EMILIN2: variants seen among roughly 807,000 people sequenced by gnomAD.
EMILIN2 encodes the protein elastin microfibril interfacer 2, also known as EMILIN-2.
In EMILIN2, 71 loss-of-function variants were observed where a neutral mutation model predicts 87.1. The ratio of observed to expected loss-of-function variants is 0.82; its 90% CI spans 0.67 to 0.99. The LOEUF is 0.99. EMILIN2 is among the 50% of genes least tolerant of loss of function. The pLI is 0.00. For missense variants in EMILIN2, 1,407 were observed against 1,371.8 expected (o/e 1.03, Z -0.40); for synonymous variants, 581 against 563.4 (o/e 1.03, Z -0.44).
At chr18:2,862,532 G>GCAT (rs1409247329) in intron 2 of EMILIN2, among the ~76,000 whole-genome samples, 5 of 152,102 alleles carry the variant, frequency 3.3e-5, no homozygotes, top group Admixed American at 6.6e-5. Context: ...TTATTGATTT[G>GCAT]CATATGTTGA....
chr18:2,871,031 T>C (rs2143993318), intron 2 of EMILIN2, among the ~76,000 whole-genome samples: 1 of 152,278 alleles, frequency 6.6e-6, no homozygotes, highest in South Asian at 2.1e-4. Flanking sequence ...TCTAATGACT[T>C]TGTTTTAACT....
At position 2,859,162 on chromosome 18, in the gene EMILIN2, G is replaced by A. The variant is rs181682983; in HGVS notation, c.257+11231G>A. ...CCCCATGCTGTTTTCCGTAGTGGTTGGGCTAGTTTACGTTCCCATCAGCAG... is the reference window on the plus strand; with the variant it reads ...CCCCATGCTGTTTTCCGTAGTGGTTAGGCTAGTTTACGTTCCCATCAGCAG... On this transcript the variant is annotated intron_variant, in intron 2 of 7. Transcript: ENST00000254528. Among the ~76,000 whole-genome samples, 793 of 152,192 alleles carry A rather than the reference G, an allele frequency of 5.2e-3. 11 individuals carry two copies. Among genetic ancestry groups the A allele is most frequent in the East Asian group, 8.7e-3 (45 of 5,182 alleles).
At chr18:2,912,237 A>T (rs943480206) in intron 7 of EMILIN2, among the ~76,000 whole-genome samples, 1 of 151,702 alleles carries the variant, frequency 6.6e-6, no homozygotes, top group Non-Finnish European at 1.5e-5. Flanking sequence ...AGATGGGGTT[A>T]TCCGTGTTGG....
chr18:2,858,547 A>ATATGTGTG (rs2076640458), intron 2 of EMILIN2, among the ~76,000 whole-genome samples: 1 of 48,054 alleles, frequency 2.1e-5, no homozygotes, highest in Non-Finnish European at 3.4e-5. Flanking sequence ...ATATATATAT[A>ATATGTGTG]TATATATATA....
chr18:2,853,468 T>G (rs1464191065), intron 2 of EMILIN2, among the ~76,000 whole-genome samples: 2 of 151,552 alleles, frequency 1.3e-5, no homozygotes, highest in Non-Finnish European at 2.9e-5. Context: ...TCGGAGTGAC[T>G]TGGAATTCTT....
intron 2 of EMILIN2, among the ~76,000 whole-genome samples, chr18:2,883,442 T>C (rs1193536616): frequency 6.6e-6 from 1 of 152,218 alleles, no homozygotes; most frequent in East Asian, 1.9e-4. Context: ...GAAGGCCAGC[T>C]GCTGGTGCTG....
At chr18:2,871,617 T>G (rs1027799054) in intron 2 of EMILIN2, among the ~76,000 whole-genome samples, 1 of 152,192 alleles carries the variant, frequency 6.6e-6, no homozygotes, top group African/African-American at 2.4e-5. Flanking sequence ...TGAGCGGGGA[T>G]CTGTGTGCTC....
At chr18:2,873,613 A>C (rs951635195) in intron 2 of EMILIN2, among the ~76,000 whole-genome samples, 21 of 151,924 alleles carry the variant, frequency 1.4e-4, no homozygotes, top group African/African-American at 4.8e-4. Context: ...AGGCTGAGGC[A>C]GGAGAATGGC....
chr18:2,874,193 TAGTA>T (rs2076736318), intron 2 of EMILIN2, among the ~76,000 whole-genome samples: 1 of 152,164 alleles, frequency 6.6e-6, no homozygotes, highest in Middle Eastern at 3.2e-3. Flanking sequence ...TGTTGTATAA[TAGTA>T]TGTATTAGTA....
At chr18:2,866,285 C>T (rs1292634167) in intron 2 of EMILIN2, among the ~76,000 whole-genome samples, 1 of 152,240 alleles carries the variant, frequency 6.6e-6, no homozygotes, top group Non-Finnish European at 1.5e-5. Flanking sequence ...TTCTGCGTCG[C>T]TCACGCTGGG....
intron 2 of EMILIN2, among the ~76,000 whole-genome samples, chr18:2,866,500 T>C (rs1598488350): frequency 6.6e-6 from 1 of 152,250 alleles, no homozygotes; most frequent in African/African-American, 2.4e-5. Context: ...TTTTGGTGTA[T>C]ACGCTTTTGG....
intron 4 of EMILIN2, among the ~76,000 whole-genome samples, chr18:2,905,387 T>C (rs2076905692): frequency 6.6e-6 from 1 of 151,798 alleles, no homozygotes; most frequent in Non-Finnish European, 1.5e-5. Flanking sequence ...AGTAGATATA[T>C]ATATATATGG....
At chr18:2,908,349 C>T (rs969671113) in intron 5 of EMILIN2, among the ~76,000 whole-genome samples, 12 of 152,282 alleles carry the variant, frequency 7.9e-5, no homozygotes, top group Admixed American at 1.3e-4. Context: ...CATCCATCCA[C>T]CCACATATGC....
At chr18:2,908,617 G>A (rs573032941) in intron 5 of EMILIN2, among the ~76,000 whole-genome samples, 1 of 152,350 alleles carries the variant, frequency 6.6e-6, no homozygotes, top group African/African-American at 2.4e-5. Context: ...GAGGGCAAAT[G>A]TTAGTTGGCT....
chr18:2,906,885 G>A lies in EMILIN2; in HGVS notation c.2462G>A (p.Gly821Glu). The A allele has an allele frequency of 7.2e-7, 1 of 1,392,842 alleles. No homozygotes were observed. 86.3% of individuals were successfully genotyped at this position (1,392,842 alleles called of 1,614,324 possible). A position where few individuals can be genotyped will look rare whatever the true frequency, so the allele number is the denominator to read the frequency against. ...PSGPATAEDP[G>E]RRPVLPQRPP... ...GGCCCCGCAACCGCAGAGGACCCTG[G>A]GCGACGGCCCGTCCTGCCCCAGCGG... Residue 821 changes from glycine (G) to glutamate (E), a missense_variant, in exon 5 of 8, where the codon GGG becomes GAG. Gly to Glu is a moderately conservative substitution (Grantham distance 98). Coordinates refer to ENST00000254528, the MANE Select transcript of EMILIN2 (RefSeq NM_032048.3).
chr18:2,909,811 C>G lies in EMILIN2; in HGVS notation c.2816C>G (p.Pro939Arg). ...GTGAACGACGGGGATGTTTACAACC[C>G]CAGCACCGGTGAGTGTTTGAACGGA... Reference protein sequence around the residue: ...VLVNDGDVYNPSTGVFTAPYD... With the variant: ...VLVNDGDVYNRSTGVFTAPYD... The change falls in exon 7 of 8, where the codon CCC (proline) becomes CGC (arginine). Residue 939 changes from proline (P) to arginine (R), a missense_variant. Physicochemically the swap from Pro to Arg is moderately radical, Grantham distance 103 (BLOSUM62 -2). Transcript: ENST00000254528. The G allele has an allele frequency of 6.2e-7, 1 of 1,613,344 alleles. No individual in the cohort carries two copies. The highest frequency in any genetic ancestry group is 8.5e-7 in the Non-Finnish European group (1 of 1,179,690).
In EMILIN2 at chr18:2,915,695, TG is replaced by T. The variant is rs2076965267; in HGVS notation, c.*2292del. 6.6e-6 allele frequency: 1 copy of T among 152,190 alleles called. No individual in the cohort carries two copies. 9.4% of individuals were successfully genotyped at this position (152,190 alleles called of 1,614,324 possible). On this transcript the variant is annotated 3_prime_UTR_variant, in exon 8 of 8. Transcript: ENST00000254528. ...ATGCCGCCACGCCCGGTTAATTTTT[TG>T]TATTTTAGTAGAGATGGGGTTTCAC... is the stretch of plus-strand genomic sequence containing the variant.
chr18:2,899,543 C>T (rs1257440495), intron 4 of EMILIN2, among the ~76,000 whole-genome samples: 2 of 152,134 alleles, frequency 1.3e-5, no homozygotes, highest in Admixed American at 6.5e-5. Flanking sequence ...CTTGCTCTGT[C>T]ACCCAGGCTG....
At chr18:2,850,748 G>A (rs1023536216) in intron 2 of EMILIN2, among the ~76,000 whole-genome samples, 1 of 152,160 alleles carries the variant, frequency 6.6e-6, no homozygotes, top group African/African-American at 2.4e-5. Flanking sequence ...CTGCAGTTGA[G>A]AGTGACGGAC....
Sources: allele counts gnomAD v4.1 joint callset (sites outside exome capture counted in the v4.1 genomes callset), GRCh38; gene constraint gnomAD v4.1.1; transcripts MANE v1.5; gene names NCBI Gene and HGNC (gene_info 2026-07-23, HGNC 2026-07-21).